The following GRK3 variants were observed in gnomAD, a reference collection of about 807,000 sequenced individuals.
GRK3 encodes the protein G protein-coupled receptor kinase 3.
A neutral mutation model predicts 95.7 loss-of-function variants in GRK3; 54 were observed. The observed-to-expected ratio is 0.56, with a 90% CI of 0.45 to 0.71. The LOEUF is 0.71. Ranked by LOEUF, GRK3 falls within the 30% of genes least tolerant of loss-of-function variation. GRK3 has a pLI of 0.00. For missense variants in GRK3, 649 were observed against 851.2 expected (o/e 0.76, Z 2.96); for synonymous variants, 281 against 290.8 (o/e 0.97, Z 0.34).
chr22:25,636,198 T>C (rs1170015759), intron 2 of GRK3, among the ~76,000 whole-genome samples: 1 of 152,206 alleles, frequency 6.6e-6, no homozygotes, highest in Admixed American at 6.5e-5. Context: ...GAGCTCTAGT[T>C]GCTTTTAATG....
At chr22:25,567,976 T>C (rs1000568226) in intron 1 of GRK3, among the ~76,000 whole-genome samples, 1 of 152,230 alleles carries the variant, frequency 6.6e-6, no homozygotes, top group African/African-American at 2.4e-5. Flanking sequence ...TGACACTTTA[T>C]TCAGTTAACC....
intron 2 of GRK3, among the ~76,000 whole-genome samples, chr22:25,628,192 G>T (rs1166798521): frequency 3.3e-5 from 5 of 152,160 alleles, no homozygotes; most frequent in Admixed American, 3.3e-4. Context: ...CAAAGTTAAA[G>T]AACACACTTT....
chr22:25,594,834 G>A (rs771441660), intron 1 of GRK3, among the ~76,000 whole-genome samples: 19 of 151,982 alleles, frequency 1.3e-4, no homozygotes, highest in East Asian at 3.9e-4. Context: ...AGCTGAGATC[G>A]CGCCACTGCA....
intron 1 of GRK3, among the ~76,000 whole-genome samples, chr22:25,603,970 T>A (rs1307877760): frequency 6.6e-6 from 1 of 152,204 alleles, no homozygotes; most frequent in African/African-American, 2.4e-5. Flanking sequence ...GCACTTGTTT[T>A]AGAAAGAAGC....
At chr22:25,640,186 GT>G (rs2084732799) in intron 2 of GRK3, among the ~76,000 whole-genome samples, 1 of 152,170 alleles carries the variant, frequency 6.6e-6, no homozygotes, top group African/African-American at 2.4e-5. Context: ...CCAATACAAT[GT>G]TGAAGAGGAG....
intron 2 of GRK3, among the ~76,000 whole-genome samples, chr22:25,621,282 C>T (rs2146357842): frequency 6.6e-6 from 1 of 152,362 alleles, no homozygotes; most frequent in Non-Finnish European, 1.5e-5. Flanking sequence ...CTGTGAAGTT[C>T]CTTGGTTTTA....
chr22:25,637,542 T>C (rs904567484), intron 2 of GRK3, among the ~76,000 whole-genome samples: 4 of 152,240 alleles, frequency 2.6e-5, no homozygotes, highest in African/African-American at 9.6e-5. Flanking sequence ...AAAGCTGCCA[T>C]GAAGATTCCC....
At chr22:25,590,794 ACTG>A (rs1932464593) in intron 1 of GRK3, among the ~76,000 whole-genome samples, 1 of 152,160 alleles carries the variant, frequency 6.6e-6, no homozygotes, top group Non-Finnish European at 1.5e-5. Flanking sequence ...ACAGAGCGAT[ACTG>A]CGTCTCAAAA....
chr22:25,617,785 C>CT (rs1052281271), intron 2 of GRK3, among the ~76,000 whole-genome samples: 11 of 151,496 alleles, frequency 7.3e-5, no homozygotes, highest in Middle Eastern at 3.2e-3. Flanking sequence ...GATTGCTTTT[C>CT]TTTTTTTTTG....
intron 8 of GRK3, among the ~76,000 whole-genome samples, chr22:25,678,449 G>A (rs1281617846): frequency 2.0e-5 from 3 of 151,686 alleles, no homozygotes; most frequent in Non-Finnish European, 4.4e-5. Flanking sequence ...GTGAGACTCT[G>A]TCTCAAAAAA....
chr22:25,671,011 G>T (rs900171729), intron 6 of GRK3, among the ~76,000 whole-genome samples: 1 of 150,120 alleles, frequency 6.7e-6, no homozygotes, highest in South Asian at 2.1e-4. Context: ...CTGAGATCGC[G>T]CCGCTGCACT....
At chr22:25,715,496 G>A (rs1011556803) in intron 18 of GRK3, among the ~76,000 whole-genome samples, 45 of 151,536 alleles carry the variant, frequency 3.0e-4, no homozygotes, top group Non-Finnish European at 2.1e-4. Context: ...GTGACACAGC[G>A]AGAAGCTGTC....
At chr22:25,695,000 GT>G (rs1295475792) in intron 12 of GRK3, 106 bp from the exon 13 acceptor site, 3 of 693,652 alleles carry the variant, frequency 4.3e-6, no homozygotes, top group Non-Finnish European at 7.5e-6. Flanking sequence ...CCTCTCCTTT[GT>G]TTACAGTCGC....
intron 1 of GRK3, among the ~76,000 whole-genome samples, chr22:25,568,263 G>A (rs138240536): frequency 6.6e-6 from 1 of 152,122 alleles, no homozygotes; most frequent in African/African-American, 2.4e-5. Context: ...CTTAAGCCCT[G>A]GAGTGATTCA....
At chr22:25,721,505 A>T (rs1386240543) in intron 20 of GRK3, 108 bp downstream of exon 20, 2 of 668,360 alleles carry the variant, frequency 3.0e-6, no homozygotes, top group Non-Finnish European at 5.2e-6. Flanking sequence ...TCACTTACAA[A>T]CTTAGTAAGA....
intron 1 of GRK3, 47 bp downstream of exon 1, chr22:25,565,200 C>G: frequency 9.7e-7 from 1 of 1,033,876 alleles, no homozygotes; most frequent in South Asian, 1.7e-5. Flanking sequence ...CCGCCCCCTG[C>G]GGCCGCCAGC....
chr22:25,629,179 C>A (rs2084647759), intron 2 of GRK3, among the ~76,000 whole-genome samples: 1 of 152,160 alleles, frequency 6.6e-6, no homozygotes, highest in Non-Finnish European at 1.5e-5. Flanking sequence ...GGGGAGCGGA[C>A]TTCCAAGTGT....
chr22:25,585,323 G>C (rs1932263308), intron 1 of GRK3, among the ~76,000 whole-genome samples: 1 of 152,272 alleles, frequency 6.6e-6, no homozygotes, highest in African/African-American at 2.4e-5. Context: ...AATGTGATGT[G>C]AATCTGGTTG....
chr22:25,648,938 G>A (rs2084807835), intron 3 of GRK3: 2 of 889,010 alleles, frequency 2.2e-6, no homozygotes, highest in Admixed American at 1.7e-5. Flanking sequence ...AAGTTGCACT[G>A]TATGGTGGGT....
Sources: gnomAD v4.1 joint callset for allele counts (sites outside exome capture counted in the v4.1 genomes callset) on GRCh38, gnomAD v4.1.1 for gene constraint, MANE v1.5 for transcripts, NCBI Gene and HGNC (gene_info 2026-07-23, HGNC 2026-07-21) for gene names.